WNT2: variants seen among roughly 807,000 people sequenced by gnomAD.
WNT2 encodes Wnt family member 2, also known as protein Wnt-2.
A neutral mutation model predicts 36.9 loss-of-function variants in WNT2; 12 were observed. That is an observed-to-expected ratio of 0.33 (90% CI 0.21 to 0.53). The LOEUF (loss-of-function observed/expected upper bound fraction) is 0.53. Among genes scored for constraint, WNT2 ranks in the 20% least tolerant of loss-of-function variants. The pLI is 0.95. For synonymous variants in WNT2, 163 were observed against 174.6 expected (o/e 0.93, Z 0.52); for missense variants, 379 against 473.1 (o/e 0.80, Z 1.84).
chr7:117,301,324 G>A (rs781342802), intron 3 of WNT2, among the ~76,000 whole-genome samples: 1 of 152,030 alleles, frequency 6.6e-6, no homozygotes, highest in Non-Finnish European at 1.5e-5. Flanking sequence ...CCTTGAAGTG[G>A]ACAAAACTGT....
At chr7:117,297,348 T>G (rs912677581) in intron 4 of WNT2, among the ~76,000 whole-genome samples, 2 of 152,086 alleles carry the variant, frequency 1.3e-5, no homozygotes, top group Non-Finnish European at 2.9e-5. Context: ...CCAGCTAATT[T>G]TTTGCATTTT....
rs1795305392 is a variant in WNT2, at chr7:117,320,620, T to C, written c.257A>G (p.Asn86Ser). 1 of 1,613,922 alleles carries C rather than the reference T, an allele frequency of 6.2e-7. No individual in the cohort carries two copies. The highest frequency in any genetic ancestry group is 8.5e-7 in the Non-Finnish European group (1 of 1,179,982). Residue 86 changes from asparagine (N) to serine (S), a missense_variant, in exon 2 of 5, where the codon AAT becomes AGT. By Grantham distance (46) the Asn-to-Ser change is conservative. Coordinates refer to ENST00000265441, the MANE Select transcript of WNT2 (RefSeq NM_003391.3). ...CQHQFRQHRW[N>S]CNTLDRDHSL... is the part of the protein sequence containing the mutation. ...GTGATCCCTGTCCAGGGTGTTGCAA[T>C]TCCAGCGGTGCTGGCGGAACTGGTG...
intron 4 of WNT2, among the ~76,000 whole-genome samples, chr7:117,285,174 A>C (rs1794558188): frequency 6.6e-6 from 1 of 152,222 alleles, no homozygotes; most frequent in South Asian, 2.1e-4. Context: ...CAATTACAAC[A>C]CATAAAGTTA....
intron 4 of WNT2, among the ~76,000 whole-genome samples, chr7:117,278,594 C>T (rs183216267): frequency 1.9e-4 from 29 of 152,270 alleles, no homozygotes; most frequent in Non-Finnish European, 2.8e-4. Flanking sequence ...CTGAGAGGGC[C>T]GAGTCCCAAA....
intron 4 of WNT2, among the ~76,000 whole-genome samples, chr7:117,285,550 A>G (rs1794563806): frequency 6.6e-6 from 1 of 152,246 alleles, no homozygotes; most frequent in Non-Finnish European, 1.5e-5. Context: ...TGATCTTTAT[A>G]GGACAAATAT....
chr7:117,287,030 C>T (rs1368914896), intron 4 of WNT2, among the ~76,000 whole-genome samples: 1 of 152,190 alleles, frequency 6.6e-6, no homozygotes, highest in Non-Finnish European at 1.5e-5. Flanking sequence ...TCTGATGTCA[C>T]AGTCATGTAG....
chr7:117,301,668 G>A (rs988349653), intron 3 of WNT2, among the ~76,000 whole-genome samples: 2 of 152,168 alleles, frequency 1.3e-5, no homozygotes, highest in African/African-American at 2.4e-5. Flanking sequence ...CTATTTAAAG[G>A]TAGAACAAAG....
At chr7:117,319,331 A>G (rs558234379) in intron 2 of WNT2, among the ~76,000 whole-genome samples, 18 of 152,356 alleles carry the variant, frequency 1.2e-4, no homozygotes, top group Admixed American at 7.8e-4. Flanking sequence ...AGAGAATAAA[A>G]TTGCAGAATA....
chr7:117,295,915 A>T (rs1263281389), intron 4 of WNT2, among the ~76,000 whole-genome samples: 1 of 152,038 alleles, frequency 6.6e-6, no homozygotes, highest in Non-Finnish European at 1.5e-5. Flanking sequence ...CTCTTATTCA[A>T]TTTTTTCTGG....
At chr7:117,291,902 C>T (rs954648868) in intron 4 of WNT2, among the ~76,000 whole-genome samples, 3 of 151,982 alleles carry the variant, frequency 2.0e-5, no homozygotes, top group Admixed American at 6.6e-5. Context: ...CTCAGCCTCC[C>T]GAGTAGCTGG....
chr7:117,316,179 T>C (rs1795213573), intron 2 of WNT2, among the ~76,000 whole-genome samples: 1 of 152,194 alleles, frequency 6.6e-6, no homozygotes, highest in South Asian at 2.1e-4. Context: ...TTGGGGTGCT[T>C]TCTTAGAATT....
At chr7:117,319,284 C>T (rs1164599047) in intron 2 of WNT2, among the ~76,000 whole-genome samples, 2 of 152,124 alleles carry the variant, frequency 1.3e-5, no homozygotes, top group African/African-American at 4.8e-5. Flanking sequence ...CATATTGAAA[C>T]TCCAAAAGGA....
Position 117,321,520 on chromosome 7 carries a change from C to T in WNT2, c.84-727G>A, listed in dbSNP as rs545497085. The stretch of plus-strand genomic sequence containing the variant: ...TTAACAAAAAATTACATCATCATCT[C>T]TACCCAGATGTTCTCTATTAGTCGT... On this transcript the variant is annotated intron_variant, in intron 1 of 4. Transcript: ENST00000265441. Among the ~76,000 whole-genome samples the T allele has an allele frequency of 3.9e-5, 6 of 152,348 alleles. No individual in the cohort carries two copies. In the East Asian group the frequency reaches 1.2e-3, roughly 29 times the overall value.
intron 4 of WNT2, among the ~76,000 whole-genome samples, chr7:117,291,228 G>A (rs919526468): frequency 6.6e-6 from 1 of 152,172 alleles, no homozygotes; most frequent in Non-Finnish European, 1.5e-5. Context: ...CCAGGCTTTT[G>A]GGTTTTTCGC....
chr7:117,283,501 A>AGGTAG (rs1295886040), intron 4 of WNT2, among the ~76,000 whole-genome samples: 1 of 152,208 alleles, frequency 6.6e-6, no homozygotes, highest in Non-Finnish European at 1.5e-5. Flanking sequence ...TTTCACTGAA[A>AGGTAG]TCTAACTTGG....
intron 3 of WNT2, among the ~76,000 whole-genome samples, chr7:117,305,894 G>A (rs1224782106): frequency 1.3e-5 from 2 of 152,146 alleles, no homozygotes; most frequent in South Asian, 2.1e-4. Context: ...TTAAATGACC[G>A]ACTTCCGCGG....
At chr7:117,285,931 C>G (rs1287281705) in intron 4 of WNT2, among the ~76,000 whole-genome samples, 1 of 152,180 alleles carries the variant, frequency 6.6e-6, no homozygotes. Context: ...AGACTCGAAA[C>G]TTCTTGTCAT....
chr7:117,290,773 C>T (rs941845140), intron 4 of WNT2, among the ~76,000 whole-genome samples: 2 of 152,156 alleles, frequency 1.3e-5, no homozygotes, highest in South Asian at 2.1e-4. Flanking sequence ...ACCATGAAGT[C>T]GATGACACCA....
chr7:117,321,774 C>T (rs1216439398), intron 1 of WNT2, among the ~76,000 whole-genome samples: 68 of 152,294 alleles, frequency 4.5e-4, no homozygotes, highest in Non-Finnish European at 2.2e-4. Flanking sequence ...CAGAAATAGT[C>T]ATTTTATTGA....
Sources: allele counts gnomAD v4.1 joint callset (sites outside exome capture counted in the v4.1 genomes callset), GRCh38; gene constraint gnomAD v4.1.1; transcripts MANE v1.5; gene names NCBI Gene and HGNC (gene_info 2026-07-23, HGNC 2026-07-21).